PTPRD: variants seen among roughly 807,000 people sequenced by gnomAD.
The protein encoded by PTPRD is protein tyrosine phosphatase receptor type D.
PTPRD carries 34 observed loss-of-function variants against 214.5 expected under a neutral mutation model. The observed-to-expected ratio is 0.16, with a 90% CI of 0.12 to 0.21. The LOEUF (loss-of-function observed/expected upper bound fraction) is 0.21, where lower values mean the gene tolerates loss of function less well. Ranked by LOEUF, PTPRD falls within the 10% of genes least tolerant of loss-of-function variation. The probability of loss-of-function intolerance (pLI) is 1.00; values close to 1 mark genes in which losing one functional copy is unlikely to be tolerated. For missense variants in PTPRD, 2,545 were observed against 2,398.7 expected, an observed-to-expected ratio of 1.06 and a Z score of -1.27; for synonymous variants, 1,128 against 845.7, an observed-to-expected ratio of 1.33 and a Z score of -5.79.
chr9:8,821,177 G>C (rs963600469), intron 11 of PTPRD, among the ~76,000 whole-genome samples: 4 of 152,166 alleles, frequency 2.6e-5, no homozygotes, highest in African/African-American at 9.7e-5. Context: ...TAAGTAGTGA[G>C]AAAAAGGAAA....
chr9:9,909,828 T>TA (rs2078680215), intron 5 of PTPRD, among the ~76,000 whole-genome samples: 2 of 151,920 alleles, frequency 1.3e-5, no homozygotes, highest in African/African-American at 4.8e-5. Context: ...ATTCAACATC[T>TA]GTTTTTGCCT....
chr9:9,293,104 A>G (rs916711359), intron 9 of PTPRD, among the ~76,000 whole-genome samples: 1 of 151,498 alleles, frequency 6.6e-6, no homozygotes, highest in African/African-American at 2.4e-5. Flanking sequence ...CCCATATGGA[A>G]GTGGAGAGTT....
At chr9:8,671,803 C>T (rs1015084069) in intron 12 of PTPRD, among the ~76,000 whole-genome samples, 19 of 152,112 alleles carry the variant, frequency 1.2e-4, no homozygotes, top group African/African-American at 4.3e-4. Context: ...CTTGTGGTTC[C>T]ATATGAAAGA....
At chr9:8,536,655 T>C (rs1198092859) in intron 14 of PTPRD, among the ~76,000 whole-genome samples, 5 of 152,002 alleles carry the variant, frequency 3.3e-5, no homozygotes, top group Non-Finnish European at 1.5e-5. Context: ...CCTTCTGTAA[T>C]TTCTACTTAA....
At chr9:9,475,627 C>T (rs188879748) in intron 8 of PTPRD, among the ~76,000 whole-genome samples, 228 of 152,234 alleles carry the variant, frequency 1.5e-3, no homozygotes, top group Middle Eastern at 3.4e-3. Flanking sequence ...CAGTGTCTTA[C>T]GAAATGGTAG....
chr9:10,548,227 T>C (rs1175009564), intron 2 of PTPRD, among the ~76,000 whole-genome samples: 1 of 152,154 alleles, frequency 6.6e-6, no homozygotes, highest in Non-Finnish European at 1.5e-5. Flanking sequence ...TTAGAACATA[T>C]GCGGAATGAG....
At chr9:9,589,337 T>A (rs2092462236) in intron 7 of PTPRD, among the ~76,000 whole-genome samples, 1 of 151,988 alleles carries the variant, frequency 6.6e-6, no homozygotes, top group African/African-American at 2.4e-5. Context: ...TTTTTTCATT[T>A]ATTTAATAAA....
At chr9:8,394,068 G>A (rs536150278) in intron 36 of PTPRD, among the ~76,000 whole-genome samples, 2 of 152,010 alleles carry the variant, frequency 1.3e-5, no homozygotes, top group African/African-American at 4.8e-5. Context: ...GCACGTTTTA[G>A]GCTCTCATTT....
intron 4 of PTPRD, among the ~76,000 whole-genome samples, chr9:9,970,204 AC>A (rs1380105607): frequency 2.6e-5 from 4 of 152,112 alleles, no homozygotes; most frequent in Admixed American, 6.5e-5. Flanking sequence ...GAATTACTTT[AC>A]TTTGGGAGGC....
intron 2 of PTPRD, among the ~76,000 whole-genome samples, chr9:10,508,095 A>G (rs2046665741): frequency 6.6e-6 from 1 of 152,182 alleles, no homozygotes; most frequent in African/African-American, 2.4e-5. Flanking sequence ...ACTCAAACAA[A>G]TTTACGAGAA....
At chr9:8,469,707 T>A (rs536694572) in intron 31 of PTPRD, among the ~76,000 whole-genome samples, 155 of 152,230 alleles carry the variant, frequency 1.0e-3, no homozygotes, top group African/African-American at 2.6e-3. Context: ...AATTACTTGA[T>A]GACATTATTG....
chr9:10,440,109 T>C (rs2098749005), intron 2 of PTPRD, among the ~76,000 whole-genome samples: 1 of 151,656 alleles, frequency 6.6e-6, no homozygotes, highest in African/African-American at 2.4e-5. Context: ...GGTTAAAAAA[T>C]CGGCTATTAC....
chr9:8,556,930 G>A (rs2083986648), intron 14 of PTPRD, among the ~76,000 whole-genome samples: 1 of 152,150 alleles, frequency 6.6e-6, no homozygotes, highest in Non-Finnish European at 1.5e-5. Context: ...GACCTTTATA[G>A]TCCTTATATG....
intron 4 of PTPRD, among the ~76,000 whole-genome samples, chr9:9,967,602 G>C (rs1231809394): frequency 2.0e-5 from 3 of 152,126 alleles, no homozygotes; most frequent in Middle Eastern, 3.2e-3. Context: ...AGGAACATGA[G>C]GTTCATAGGG....
At chr9:8,576,857 T>C (rs2092444554) in intron 14 of PTPRD, among the ~76,000 whole-genome samples, 1 of 152,156 alleles carries the variant, frequency 6.6e-6, no homozygotes, top group African/African-American at 2.4e-5. Context: ...TCTTCCTTAG[T>C]GGCAATATTC....
chr9:9,824,863 G>C (rs183691709), intron 5 of PTPRD, among the ~76,000 whole-genome samples: 1 of 151,948 alleles, frequency 6.6e-6, no homozygotes, highest in African/African-American at 2.4e-5. Flanking sequence ...CAGTATTCAT[G>C]TCCAGGCACA....
intron 7 of PTPRD, among the ~76,000 whole-genome samples, chr9:9,662,484 C>G (rs1257980527): frequency 6.6e-6 from 1 of 151,610 alleles, no homozygotes; most frequent in Non-Finnish European, 1.5e-5. Flanking sequence ...AAACCATCAG[C>G]AAGGATATGA....
chr9:9,377,462 G>A (rs2061091336), intron 9 of PTPRD, among the ~76,000 whole-genome samples: 1 of 152,078 alleles, frequency 6.6e-6, no homozygotes, highest in Non-Finnish European at 1.5e-5. Context: ...TGAGAACTTA[G>A]TATGTGCTAA....
intron 21 of PTPRD, among the ~76,000 whole-genome samples, chr9:8,513,115 T>C (rs1051764560): frequency 6.6e-6 from 1 of 152,030 alleles, no homozygotes; most frequent in Non-Finnish European, 1.5e-5. Context: ...GACTTTGTAA[T>C]GCCAGAAGTT....
Sources: allele counts gnomAD v4.1 joint callset (sites outside exome capture counted in the v4.1 genomes callset), GRCh38; gene constraint gnomAD v4.1.1; transcripts MANE v1.5; gene names NCBI Gene and HGNC (gene_info 2026-07-23, HGNC 2026-07-21).